MAP3K13: variants seen among roughly 807,000 people sequenced by gnomAD.
MAP3K13 encodes the protein mitogen-activated protein kinase kinase kinase 13, also known as leucine zipper-bearing kinase.
In MAP3K13, 52 loss-of-function variants were observed where a neutral mutation model predicts 104.0. The ratio of observed to expected loss-of-function variants is 0.50; its 90% CI spans 0.40 to 0.63. The LOEUF (loss-of-function observed/expected upper bound fraction) is 0.63, where lower values mean the gene tolerates loss of function less well. MAP3K13 is among the 20% of genes least tolerant of loss of function. MAP3K13 has a pLI of 0.00. For missense variants in MAP3K13, 914 were observed against 1,218.5 expected, an observed-to-expected ratio of 0.75 and a Z score of 3.72; for synonymous variants, 394 against 442.2, an observed-to-expected ratio of 0.89 and a Z score of 1.37.
intron 2 of MAP3K13, among the ~76,000 whole-genome samples, chr3:185,334,558 A>G (rs1460518708): frequency 1.6e-4 from 25 of 152,146 alleles, no homozygotes; most frequent in Admixed American, 1.6e-3. Flanking sequence ...AGTTCAATGA[A>G]AAAAGAGTAG....
chr3:185,336,802 G>T (rs925402254), intron 2 of MAP3K13, among the ~76,000 whole-genome samples: 2 of 151,272 alleles, frequency 1.3e-5, no homozygotes, highest in African/African-American at 2.4e-5. Context: ...AAAAATTATT[G>T]CCCTCCCCTT....
chr3:185,371,458 A>G (rs1724159518), intron 1 of MAP3K13, among the ~76,000 whole-genome samples: 1 of 152,240 alleles, frequency 6.6e-6, no homozygotes, highest in South Asian at 2.1e-4. Flanking sequence ...ATTTTCAGGA[A>G]AAACAATGTA....
At chr3:185,474,906 C>A (rs925271158) in intron 11 of MAP3K13, among the ~76,000 whole-genome samples, 1 of 151,952 alleles carries the variant, frequency 6.6e-6, no homozygotes, top group Non-Finnish European at 1.5e-5. Flanking sequence ...ACCAGCCTGG[C>A]CAGCATGGTG....
intron 1 of MAP3K13, among the ~76,000 whole-genome samples, chr3:185,393,422 G>C (rs1216068567): frequency 1.3e-5 from 2 of 151,926 alleles, no homozygotes; most frequent in Non-Finnish European, 2.9e-5. Context: ...ATAAGAATCA[G>C]CTGCATTACT....
At chr3:185,402,561 AT>A (rs1712876000) in intron 1 of MAP3K13, among the ~76,000 whole-genome samples, 1 of 152,120 alleles carries the variant, frequency 6.6e-6, no homozygotes, top group African/African-American at 2.4e-5. Flanking sequence ...GAATTTTAGT[AT>A]TTATTGTCTG....
chr3:185,353,404 G>A (rs1723211313), intron 2 of MAP3K13, among the ~76,000 whole-genome samples: 2 of 152,214 alleles, frequency 1.3e-5, no homozygotes, highest in Non-Finnish European at 2.9e-5. Flanking sequence ...TTCCAGCTCA[G>A]TATTTGCCTT....
At chr3:185,452,894 T>C (rs1043144000) in intron 7 of MAP3K13, among the ~76,000 whole-genome samples, 3 of 152,212 alleles carry the variant, frequency 2.0e-5, no homozygotes, top group African/African-American at 7.2e-5. Context: ...TTCCTGCTAA[T>C]GTTCCATCGG....
At chr3:185,462,030 G>A (rs1465399645) in intron 7 of MAP3K13, among the ~76,000 whole-genome samples, 1 of 152,136 alleles carries the variant, frequency 6.6e-6, no homozygotes, top group Non-Finnish European at 1.5e-5. Context: ...GCTACCTGAC[G>A]ATCTGGAGAG....
chr3:185,369,434 G>A (rs1241566593), intron 1 of MAP3K13, among the ~76,000 whole-genome samples: 1 of 152,206 alleles, frequency 6.6e-6, no homozygotes, highest in Non-Finnish European at 1.5e-5. Flanking sequence ...CCATTTTGGG[G>A]AGATTAGTGA....
chr3:185,357,720 T>G (rs1027890044), intron 2 of MAP3K13, among the ~76,000 whole-genome samples: 1 of 152,194 alleles, frequency 6.6e-6, no homozygotes, highest in Admixed American at 6.5e-5. Context: ...TCAGTACATT[T>G]GTGTTATCAG....
intron 2 of MAP3K13, among the ~76,000 whole-genome samples, chr3:185,352,643 A>T (rs1214167892): frequency 1.3e-5 from 2 of 152,146 alleles, no homozygotes; most frequent in Non-Finnish European, 2.9e-5. Context: ...AGGCTCTGTG[A>T]TTTATCCCTC....
At chr3:185,398,531 C>T (rs1712562877) in intron 1 of MAP3K13, among the ~76,000 whole-genome samples, 1 of 152,150 alleles carries the variant, frequency 6.6e-6, no homozygotes, top group African/African-American at 2.4e-5. Flanking sequence ...ATTACCATAT[C>T]CCCTACTAGG....
rs973858390 is a variant in MAP3K13, at chr3:185,487,831, G to A, written c.*5375G>A. 5.9e-5 allele frequency: 9 copies of A among 152,176 alleles called. No homozygotes were observed. Among genetic ancestry groups the A allele is most frequent in the African/African-American group, 1.4e-4 (6 of 41,432 alleles). The allele number at this position is 152,176 out of a possible 1,614,324, so 9.4% of individuals were successfully genotyped here. A position where few individuals can be genotyped will look rare whatever the true frequency, so the allele number is the denominator to read the frequency against. On this transcript the variant is annotated 3_prime_UTR_variant, in exon 14 of 14. Coordinates refer to ENST00000265026, the MANE Select transcript of MAP3K13 (RefSeq NM_004721.5). ...CCTACTGAGCCTAGACACAGCCTCA[G>A]AACCTCTCAACATAGCACTTGGAGC...
At chr3:185,285,752 G>A in intron 2 of MAP3K13, 2 of 882,088 alleles carry the variant, frequency 2.3e-6, no homozygotes, top group Non-Finnish European at 3.5e-6. Flanking sequence ...ATCTCTTTAT[G>A]TTTTAATCAG....
intron 7 of MAP3K13, among the ~76,000 whole-genome samples, chr3:185,463,078 T>C (rs1026154081): frequency 3.3e-5 from 5 of 152,240 alleles, no homozygotes; most frequent in African/African-American, 1.2e-4. Flanking sequence ...TAGGGTCTTC[T>C]ACTCTAGGTA....
intron 1 of MAP3K13, among the ~76,000 whole-genome samples, chr3:185,372,487 A>AC (rs1256389822): frequency 2.0e-5 from 3 of 152,196 alleles, no homozygotes; most frequent in Non-Finnish European, 4.4e-5. Context: ...AGAAAGAAAA[A>AC]CAGTCACATA....
chr3:185,356,992 A>C (rs534774818), intron 2 of MAP3K13, among the ~76,000 whole-genome samples: 112 of 152,290 alleles, frequency 7.4e-4, no homozygotes, highest in Admixed American at 3.1e-3. Flanking sequence ...GTCTTTAATT[A>C]TATTGCATGC....
In MAP3K13 at chr3:185,482,177, G is replaced by A. The variant is rs527338798; in HGVS notation, c.2800-178G>A. 2.8e-4 allele frequency among the ~76,000 whole-genome samples: 42 copies of A among 152,366 alleles called. No individual in the cohort carries two copies. The highest frequency in any genetic ancestry group is 7.7e-4 in the African/African-American group (32 of 41,592). On this transcript the variant is annotated intron_variant, in intron 13 of 13. Coordinates refer to ENST00000265026, the MANE Select transcript of MAP3K13 (RefSeq NM_004721.5). This position sits in a 1 kb window ranked among gnomAD's most constrained non-coding sequence, Gnocchi z 4.5. ...TGTGGTGGGCACTGTTTTTATTGTC[G>A]TAGCAATCATAATCATCATGTGTTT...
rs1241161793 is a variant in MAP3K13 at position 185,423,873 on chromosome 3, T to TC, written c.-85-4621dup. ...CACGCACGCTCTGGTCATTCCCGCT[T>TC]CCCTGCCTCTGCCAGTGCTCTTGTT... On this transcript the variant is annotated intron_variant, in intron 1 of 13. Coordinates refer to ENST00000265026, the MANE Select transcript of MAP3K13 (RefSeq NM_004721.5). The surrounding 1 kb of genome is among the most constrained non-coding windows in gnomAD (Gnocchi z 4.1). Among the ~76,000 whole-genome samples the TC allele has an allele frequency of 6.6e-6, 1 of 152,162 alleles. No individual in the cohort carries two copies. The highest frequency in any genetic ancestry group is 2.4e-5 in the African/African-American group (1 of 41,438).
Sources: allele counts gnomAD v4.1 joint callset (sites outside exome capture counted in the v4.1 genomes callset), GRCh38; gene constraint gnomAD v4.1.1; non-coding constraint Gnocchi (gnomAD v3.1); transcripts MANE v1.5; gene names NCBI Gene and HGNC (gene_info 2026-07-23, HGNC 2026-07-21).